The following GPBP1L1 variants were observed in gnomAD, a reference collection of about 807,000 sequenced individuals.
GPBP1L1 encodes vasculin-like protein 1.
Under a neutral mutation model 52.5 loss-of-function variants are expected in GPBP1L1, and 23 were observed. The ratio of observed to expected loss-of-function variants is 0.44; its 90% CI spans 0.32 to 0.62. The LOEUF (loss-of-function observed/expected upper bound fraction) is 0.62. Ranked by LOEUF, GPBP1L1 falls within the 20% of genes least tolerant of loss-of-function variation. The pLI, the probability that GPBP1L1 is intolerant of heterozygous loss-of-function variation, is 0.06. For synonymous variants in GPBP1L1, 243 were observed against 203.1 expected (o/e 1.20, Z -1.67); for missense variants, 596 against 579.3 (o/e 1.03, Z -0.30).
intron 8 of GPBP1L1, among the ~76,000 whole-genome samples, chr1:45,638,159 C>T (rs1329902496): frequency 6.6e-6 from 1 of 152,146 alleles, no homozygotes; most frequent in Non-Finnish European, 1.5e-5. Flanking sequence ...GTTTTATTCC[C>T]ACATATTTCT....
chr1:45,664,503 T>TTGCCG (rs1053797530), intron 2 of GPBP1L1, among the ~76,000 whole-genome samples: 2 of 151,552 alleles, frequency 1.3e-5, no homozygotes, highest in African/African-American at 4.9e-5. Context: ...GAGGTGGAGC[T>TTGCCG]TGCCGTGAGC....
Position 45,660,579 on chromosome 1 carries a change from A to T in GPBP1L1, c.-451T>A. ...TTTGCACCGAGTGCAAATACTGTTCATAACAAGGTCATAGCTAGAAAGACA... is the reference window on the plus strand; with the variant it reads ...TTTGCACCGAGTGCAAATACTGTTCTTAACAAGGTCATAGCTAGAAAGACA... On this transcript the variant is annotated 5_prime_UTR_variant, in exon 3 of 13. The change abolishes an upstream ATG in the 5' untranslated region. Coordinates refer to ENST00000355105, the MANE Select transcript of GPBP1L1 (RefSeq NM_021639.5). 5.1e-6 allele frequency: 5 copies of T among 984,628 alleles called. No individual in the cohort carries two copies. The highest frequency in any genetic ancestry group is 6.0e-6 in the Non-Finnish European group (5 of 829,172). 61.0% of individuals were successfully genotyped at this position (984,628 alleles called of 1,614,324 possible).
In GPBP1L1 at chr1:45,660,890, C is replaced by G. The variant is rs1447483613; in HGVS notation, c.-762G>C. On this transcript the variant is annotated 5_prime_UTR_variant, in exon 3 of 13. Coordinates refer to ENST00000355105, the MANE Select transcript of GPBP1L1 (RefSeq NM_021639.5). Reference sequence around the variant, plus strand: ...GCTACACTTTTCCCTCCACGAACAGCAGCTTTCAAGGCAAATTTCTTGGTA... The same window carrying G: ...GCTACACTTTTCCCTCCACGAACAGGAGCTTTCAAGGCAAATTTCTTGGTA... The G allele has an allele frequency of 2.0e-5, 3 of 152,150 alleles. No homozygotes were observed. Among genetic ancestry groups the G allele is most frequent in the Non-Finnish European group, 4.4e-5 (3 of 68,032 alleles). The allele number at this position is 152,150 out of a possible 1,614,324, so 9.4% of individuals were successfully genotyped here.
chr1:45,674,544 T>C (rs543583087), intron 2 of GPBP1L1, among the ~76,000 whole-genome samples: 2 of 152,324 alleles, frequency 1.3e-5, no homozygotes, highest in East Asian at 3.9e-4. Flanking sequence ...ATTGTTCAAC[T>C]TTACAATATT....
chr1:45,663,396 C>T (rs897243905), intron 2 of GPBP1L1, among the ~76,000 whole-genome samples: 3 of 152,312 alleles, frequency 2.0e-5, no homozygotes, highest in Non-Finnish European at 4.4e-5. Flanking sequence ...ACACACACCA[C>T]CACCTTTTCA....
rs1332723997 is a variant in GPBP1L1, at chr1:45,660,312, G to T, written c.-184C>A. The T allele has an allele frequency of 1.0e-6, 1 of 985,160 alleles. No homozygotes were observed. The highest frequency in any genetic ancestry group is 1.2e-6 in the Non-Finnish European group (1 of 829,920). 61.0% of individuals were successfully genotyped at this position (985,160 alleles called of 1,614,324 possible). A position where few individuals can be genotyped will look rare whatever the true frequency, so the allele number is the denominator to read the frequency against. On this transcript the variant is annotated 5_prime_UTR_variant, in exon 3 of 13. Transcript: ENST00000355105. ...AGCACGACTTATGATGAAGCACGAA[G>T]AAGCCAGGTTCTGTGTCGATCACTC...
intron 4 of GPBP1L1, among the ~76,000 whole-genome samples, chr1:45,658,581 T>G (rs971823809): frequency 6.6e-6 from 1 of 152,250 alleles, no homozygotes; most frequent in Non-Finnish European, 1.5e-5. Flanking sequence ...CAGAAAGCTA[T>G]TAAGTCTATG....
intron 2 of GPBP1L1, among the ~76,000 whole-genome samples, chr1:45,664,564 CAAATAAAATA>C (rs376484482): frequency 1.3e-5 from 2 of 151,972 alleles, no homozygotes; most frequent in African/African-American, 2.4e-5. Context: ...GACTCTGCCT[CAAATAAAATA>C]AAATAAAATA....
At chr1:45,652,880 A>G (rs888861436) in intron 6 of GPBP1L1, among the ~76,000 whole-genome samples, 15 of 152,224 alleles carry the variant, frequency 9.9e-5, no homozygotes, top group Admixed American at 9.8e-4. Context: ...AATGAGCAAC[A>G]TACATTGTTT....
chr1:45,651,440 T>C (rs1051188765), intron 6 of GPBP1L1: 2 of 422,788 alleles, frequency 4.7e-6, no homozygotes, highest in Non-Finnish European at 8.7e-6. Flanking sequence ...GGTCTCTTAC[T>C]GGGGACATCC....
intron 2 of GPBP1L1, among the ~76,000 whole-genome samples, chr1:45,683,645 T>G (rs1399360829): frequency 6.8e-6 from 1 of 147,332 alleles, no homozygotes; most frequent in Non-Finnish European, 1.5e-5. Flanking sequence ...GAGGCCAAAG[T>G]GAGCAGATTG....
chr1:45,686,178 C>A (rs1645280688), intron 1 of GPBP1L1, among the ~76,000 whole-genome samples: 1 of 152,248 alleles, frequency 6.6e-6, no homozygotes, highest in Non-Finnish European at 1.5e-5. Context: ...TTCGCGGAGC[C>A]CCGGCGACGC....
Position 45,660,649 on chromosome 1 carries a change from C to G in GPBP1L1, c.-521G>C. 2.9e-6 allele frequency: 2 copies of G among 681,840 alleles called. No individual in the cohort carries two copies. Among genetic ancestry groups the G allele is most frequent in the Non-Finnish European group, 3.6e-6 (2 of 552,628 alleles). 42.2% of individuals were successfully genotyped at this position (681,840 alleles called of 1,614,324 possible). On this transcript the variant is annotated 5_prime_UTR_variant, in exon 3 of 13. Transcript: ENST00000355105. ...AAATAATGTCATCAAGGTAATAGAT[C>G]AAAAATATTAAAGCCCTATAAAAGA...
chr1:45,641,180 G>A (rs1027713209), intron 7 of GPBP1L1, among the ~76,000 whole-genome samples: 3 of 152,090 alleles, frequency 2.0e-5, no homozygotes, highest in African/African-American at 2.4e-5. Flanking sequence ...AAGGTACATC[G>A]ATCAATCTTA....
intron 1 of GPBP1L1, 94 bp from the exon 2 acceptor site, chr1:45,685,714 G>A (rs1197399257): frequency 1.3e-5 from 2 of 152,186 alleles, no homozygotes; most frequent in East Asian, 3.8e-4. Flanking sequence ...AGTAATCGAA[G>A]GGCAGGGCAC....
intron 2 of GPBP1L1, among the ~76,000 whole-genome samples, chr1:45,671,504 CCTCT>C (rs1330815011): frequency 1.3e-5 from 2 of 152,180 alleles, no homozygotes; most frequent in Non-Finnish European, 2.9e-5. Context: ...CCATGCCCAG[CCTCT>C]CTGACTCTTT....
intron 2 of GPBP1L1, among the ~76,000 whole-genome samples, chr1:45,661,505 G>C (rs1286298675): frequency 6.6e-6 from 1 of 151,494 alleles, no homozygotes; most frequent in Non-Finnish European, 1.5e-5. Flanking sequence ...GCCCAAGCTG[G>C]AGTGCAATGT....
chr1:45,630,259 A>G (rs1346731841), intron 11 of GPBP1L1, among the ~76,000 whole-genome samples: 1 of 152,142 alleles, frequency 6.6e-6, no homozygotes, highest in Non-Finnish European at 1.5e-5. Flanking sequence ...CCTGAAGTTA[A>G]AAGTATTAAA....
chr1:45,634,017 T>C, intron 9 of GPBP1L1, 79 bp downstream of exon 9: 3 of 1,372,100 alleles, frequency 2.2e-6, no homozygotes, highest in Non-Finnish European at 3.0e-6. Flanking sequence ...GTGTCACAGC[T>C]ATACATATTA....
Sources: gnomAD v4.1 joint callset for allele counts (sites outside exome capture counted in the v4.1 genomes callset) on GRCh38, gnomAD v4.1.1 for gene constraint, MANE v1.5 for transcripts, NCBI Gene and HGNC (gene_info 2026-07-23, HGNC 2026-07-21) for gene names.